The following SAXO1 variants were observed in gnomAD, a reference collection of about 807,000 sequenced individuals.
SAXO1 encodes the protein 4930500O09Rik.
In SAXO1, 21 loss-of-function variants were observed where a neutral mutation model predicts 17.5. The ratio of observed to expected loss-of-function variants is 1.20; its 90% CI spans 0.85 to 1.72. The LOEUF (loss-of-function observed/expected upper bound fraction) is 1.72, where lower values mean the gene tolerates loss of function less well. Among genes scored for constraint, SAXO1 ranks in the 40% most tolerant of loss-of-function variants. SAXO1 has a pLI of 0.00. For missense variants in SAXO1, 843 were observed against 596.0 expected (o/e 1.41, Z -4.32); for synonymous variants, 274 against 216.5 (o/e 1.27, Z -2.33).
At chr9:18,979,923 T>C (rs1475308301) in intron 1 of SAXO1, among the ~76,000 whole-genome samples, 1 of 151,852 alleles carries the variant, frequency 6.6e-6, no homozygotes, top group Non-Finnish European at 1.5e-5. Flanking sequence ...CACTAAAGTG[T>C]GAAAAAGAGA....
At chr9:19,019,708 C>T (rs552572616) in intron 1 of SAXO1, among the ~76,000 whole-genome samples, 27 of 151,868 alleles carry the variant, frequency 1.8e-4, no homozygotes, top group African/African-American at 5.3e-4. Flanking sequence ...CCAGCCTCGG[C>T]GACAGTGAGA....
At chr9:18,955,832 C>T (rs1832235268) in intron 1 of SAXO1, among the ~76,000 whole-genome samples, 1 of 152,162 alleles carries the variant, frequency 6.6e-6, no homozygotes, top group Non-Finnish European at 1.5e-5. Context: ...TGCTGAAGAT[C>T]CCACTACACA....
At chr9:18,993,411 T>G (rs1228381957) in intron 1 of SAXO1, among the ~76,000 whole-genome samples, 1 of 152,194 alleles carries the variant, frequency 6.6e-6, no homozygotes, top group Non-Finnish European at 1.5e-5. Context: ...TGGCCAGCAC[T>G]GCGCTAATCC....
chr9:18,982,132 T>C (rs898855601), intron 1 of SAXO1, among the ~76,000 whole-genome samples: 4 of 152,108 alleles, frequency 2.6e-5, no homozygotes, highest in African/African-American at 9.7e-5. Flanking sequence ...GGATAGGAAC[T>C]CAGAGCCCCT....
chr9:19,022,843 T>C (rs2131023773), intron 1 of SAXO1, among the ~76,000 whole-genome samples: 1 of 152,336 alleles, frequency 6.6e-6, no homozygotes, highest in East Asian at 1.9e-4. Flanking sequence ...TCAAAGTTAC[T>C]TTGAACAAGC....
chr9:19,043,589 G>A (rs1288137784), intron 1 of SAXO1, among the ~76,000 whole-genome samples: 3 of 151,660 alleles, frequency 2.0e-5, no homozygotes, highest in Non-Finnish European at 4.4e-5. Flanking sequence ...CAACATAGTG[G>A]GATCCTGTCT....
intron 1 of SAXO1, among the ~76,000 whole-genome samples, chr9:19,014,604 T>G (rs547516099): frequency 6.6e-6 from 1 of 151,882 alleles, no homozygotes; most frequent in Non-Finnish European, 1.5e-5. Flanking sequence ...TAGAACCAAG[T>G]AGCTCAAAGA....
intron 1 of SAXO1, among the ~76,000 whole-genome samples, chr9:18,996,907 C>T (rs1292943310): frequency 6.6e-6 from 1 of 152,026 alleles, no homozygotes; most frequent in Non-Finnish European, 1.5e-5. Flanking sequence ...AAAATTATCT[C>T]AGTTCACAAA....
At chr9:18,959,549 T>C (rs1832400008) in intron 1 of SAXO1, among the ~76,000 whole-genome samples, 1 of 152,008 alleles carries the variant, frequency 6.6e-6, no homozygotes, top group Non-Finnish European at 1.5e-5. Context: ...GGCCGATGGA[T>C]CACCTGAGGT....
At chr9:19,047,924 G>A (rs558980075) in intron 1 of SAXO1, among the ~76,000 whole-genome samples, 8 of 152,306 alleles carry the variant, frequency 5.3e-5, no homozygotes, top group Admixed American at 2.0e-4. Context: ...CAGAATGGTG[G>A]TGAAAGGCGA....
rs1836287694 is a variant in SAXO1 at position 19,049,035 on chromosome 9, G to C, written c.-158+174C>G. ...GTACTCACTGGGCCGGGCAAGCTGGGGAGGCCTAAGCGGACTGGGAAGTTA... is the reference window on the plus strand; with the variant it reads ...GTACTCACTGGGCCGGGCAAGCTGGCGAGGCCTAAGCGGACTGGGAAGTTA... On this transcript the variant is annotated intron_variant, in intron 1 of 3. Transcript: ENST00000542071. The surrounding 1 kb of genome is among the most constrained non-coding windows in gnomAD (Gnocchi z 5.4). Among the ~76,000 whole-genome samples, 1 of 152,138 alleles carries C rather than the reference G, an allele frequency of 6.6e-6. No individual in the cohort carries two copies. Among genetic ancestry groups the C allele is most frequent in the Non-Finnish European group, 1.5e-5 (1 of 68,004 alleles).
chr9:19,008,899 C>A (rs1834603137), intron 1 of SAXO1, among the ~76,000 whole-genome samples: 1 of 152,194 alleles, frequency 6.6e-6, no homozygotes, highest in Non-Finnish European at 1.5e-5. Flanking sequence ...CTTAGCAACT[C>A]AGCGAGGGGA....
chr9:18,974,645 T>TCTA (rs1420782364), intron 1 of SAXO1, among the ~76,000 whole-genome samples: 1 of 152,154 alleles, frequency 6.6e-6, no homozygotes, highest in Non-Finnish European at 1.5e-5. Flanking sequence ...AAATAAATGA[T>TCTA]GATAGTAATA....
At chr9:18,971,645 C>T (rs1214208608) in intron 1 of SAXO1, among the ~76,000 whole-genome samples, 1 of 152,120 alleles carries the variant, frequency 6.6e-6, no homozygotes, top group Non-Finnish European at 1.5e-5. Flanking sequence ...TTAATTATTA[C>T]CACAGCTGAG....
Position 18,928,185 on chromosome 9 carries a change from G to T in SAXO1, c.1292C>A (p.Thr431Asn). 6.2e-7 allele frequency: 1 copy of T among 1,614,196 alleles called. No homozygotes were observed. The highest frequency in any genetic ancestry group is 8.5e-7 in the Non-Finnish European group (1 of 1,180,042). Residue 431 changes from threonine to asparagine, a missense_variant, in exon 4 of 4, where the codon ACC becomes AAC. Transcript: ENST00000380534. ...ACCCAAAGCATCCACTTCCTCAAAG[G>T]TGTAGCCAGGAGGCTCAGGATATGA... ...LASYPEPPGY[T>N]FEEVDALGHR...
intron 2 of SAXO1, among the ~76,000 whole-genome samples, chr9:18,946,366 G>A (rs1786871405): frequency 6.7e-6 from 1 of 148,594 alleles, no homozygotes. Context: ...CTGGAAATGA[G>A]AGAGTCAAAG....
intron 2 of SAXO1, among the ~76,000 whole-genome samples, chr9:18,943,102 T>C (rs1256295173): frequency 6.6e-6 from 1 of 152,232 alleles, no homozygotes; most frequent in Non-Finnish European, 1.5e-5. Flanking sequence ...TTGCGTGAAT[T>C]ATACACATGA....
chr9:19,028,708 T>C (rs1381895030), intron 1 of SAXO1, among the ~76,000 whole-genome samples: 1 of 152,190 alleles, frequency 6.6e-6, no homozygotes, highest in Non-Finnish European at 1.5e-5. Context: ...AAGTAGAGCA[T>C]TGTTGTGGAG....
intron 1 of SAXO1, among the ~76,000 whole-genome samples, chr9:18,976,924 AC>A (rs1188158852): frequency 6.6e-6 from 1 of 152,192 alleles, no homozygotes; most frequent in Non-Finnish European, 1.5e-5. Flanking sequence ...AAAACCACAA[AC>A]CAAAACAAAT....
Sources: gnomAD v4.1 joint callset for allele counts (sites outside exome capture counted in the v4.1 genomes callset) on GRCh38, gnomAD v4.1.1 for gene constraint, Gnocchi (gnomAD v3.1) non-coding constraint, MANE v1.5 for transcripts, NCBI Gene and HGNC (gene_info 2026-07-23, HGNC 2026-07-21) for gene names.